The following GSE1 variants were observed in gnomAD, a reference collection of about 807,000 sequenced individuals.
The protein encoded by GSE1 is Gse1 coiled-coil protein.
Under a neutral mutation model 112.6 loss-of-function variants are expected in GSE1, and 32 were observed. The ratio of observed to expected loss-of-function variants is 0.28; its 90% CI spans 0.21 to 0.38. The LOEUF (loss-of-function observed/expected upper bound fraction) is 0.38, where lower values mean the gene tolerates loss of function less well. GSE1 is among the 10% of genes least tolerant of loss of function. GSE1 has a pLI of 1.00. For missense variants in GSE1, 2,348 were observed against 1,699.2 expected (o/e 1.38, Z -6.71); for synonymous variants, 1,115 against 735.6 (o/e 1.52, Z -8.35).
intron 1 of GSE1, among the ~76,000 whole-genome samples, chr16:85,297,376 A>G (rs1361016475): frequency 1.3e-5 from 2 of 150,174 alleles, no homozygotes; most frequent in East Asian, 3.9e-4. Context: ...CCAGAGAAGC[A>G]AAGCATCTGT....
At chr16:85,663,149 T>C in intron 10 of GSE1, 56 bp downstream of exon 10, 4 of 1,325,736 alleles carry the variant, frequency 3.0e-6, no homozygotes, top group Non-Finnish European at 4.3e-6. Flanking sequence ...GTTCCTAGCG[T>C]CCACACCCTG....
intron 2 of GSE1, among the ~76,000 whole-genome samples, chr16:85,641,962 C>T (rs1034789856): frequency 1.3e-5 from 2 of 152,224 alleles, no homozygotes; most frequent in Non-Finnish European, 2.9e-5. Context: ...GGTCGGTAGG[C>T]GAAAGTAGAA....
chr16:85,206,224 T>C (rs530284069), intron 1 of GSE1, among the ~76,000 whole-genome samples: 1 of 149,120 alleles, frequency 6.7e-6, no homozygotes, highest in Admixed American at 6.6e-5. Flanking sequence ...GCGCCGGGTG[T>C]GGTGGGAAGA....
intron 2 of GSE1, among the ~76,000 whole-genome samples, chr16:85,394,062 C>A (rs902207725): frequency 6.6e-6 from 1 of 152,174 alleles, no homozygotes; most frequent in Non-Finnish European, 1.5e-5. Flanking sequence ...GGCGTCGATA[C>A]CGTTCGGGCT....
chr16:85,502,756 G>T (rs1031935916), intron 2 of GSE1, among the ~76,000 whole-genome samples: 1 of 152,238 alleles, frequency 6.6e-6, no homozygotes, highest in Non-Finnish European at 1.5e-5. Context: ...TGGTGTCCGT[G>T]GAGCCGGGAA....
rs762411456 is a variant in GSE1 at position 85,399,691 on chromosome 16, C to A, written c.2464+42048C>A. The stretch of plus-strand genomic sequence containing the variant: ...ACTGTGTGCCAATCACTGCCGTAGG[C>A]GTGGGGGATGCCGCAGACAGTGAAA... On this transcript the variant is annotated intron_variant, in intron 2 of 2. Transcript: ENST00000637419. Among the ~76,000 whole-genome samples, 13 of 152,308 alleles carry A rather than the reference C, an allele frequency of 8.5e-5. No homozygotes were observed. The Middle Eastern group carries it at 0.014, about 159-fold the overall frequency.
intron 2 of GSE1, among the ~76,000 whole-genome samples, chr16:85,447,166 C>T (rs538548405): frequency 6.6e-6 from 1 of 152,142 alleles, no homozygotes; most frequent in African/African-American, 2.4e-5. Context: ...CATGCCGGGC[C>T]CACCTTGCCT....
intron 1 of GSE1, among the ~76,000 whole-genome samples, chr16:85,354,775 G>A (rs1315414721): frequency 2.0e-5 from 3 of 152,236 alleles, no homozygotes; most frequent in South Asian, 4.1e-4. Flanking sequence ...TGGAGCTGCC[G>A]TCTGTGCTGC....
At chr16:85,391,087 G>GC (rs944666086) in intron 2 of GSE1, among the ~76,000 whole-genome samples, 2 of 150,900 alleles carry the variant, frequency 1.3e-5, no homozygotes, top group African/African-American at 4.9e-5. Context: ...CCCAGGCACC[G>GC]CCCCCCCACC....
At chr16:85,642,762 G>A (rs540882167) in intron 2 of GSE1, among the ~76,000 whole-genome samples, 4 of 152,334 alleles carry the variant, frequency 2.6e-5, no homozygotes, top group East Asian at 3.9e-4. Flanking sequence ...GGGGTGGGTC[G>A]GGGCCGTGCA....
In GSE1 at chr16:85,597,373, CAAA is replaced by C. The variant is rs1165062872; in HGVS notation, c.37+41033_37+41035del. 3.5e-4 allele frequency among the ~76,000 whole-genome samples: 11 copies of C among 31,844 alleles called. No individual in the cohort carries two copies. The South Asian group carries it at 4.0e-3, about 12-fold the overall frequency. The allele number at this position is 31,844 out of a possible 152,430, so 20.9% of individuals were successfully genotyped here. On this transcript the variant is annotated intron_variant, in intron 1 of 2. Coordinates refer to the GSE1 transcript ENST00000635906. Reference sequence around the variant, plus strand: ...TGGGCAACAGAGTGAGACTCTGTCTCAAAAAAAAAAAAAAAAAAAAAAAAAGAA... The same window carrying C: ...TGGGCAACAGAGTGAGACTCTGTCTCAAAAAAAAAAAAAAAAAAAAAAGAA...
chr16:85,249,429 C>T (rs1906211919), intron 1 of GSE1, among the ~76,000 whole-genome samples: 1 of 152,236 alleles, frequency 6.6e-6, no homozygotes, highest in Non-Finnish European at 1.5e-5. Context: ...GGCAGCAACC[C>T]CGAGGTGAGG....
chr16:85,274,424 G>C (rs1909154295), intron 1 of GSE1, among the ~76,000 whole-genome samples: 2 of 152,138 alleles, frequency 1.3e-5, no homozygotes, highest in South Asian at 4.1e-4. Flanking sequence ...AAATAAAAGA[G>C]GGAAAGAGTG....
intron 2 of GSE1, among the ~76,000 whole-genome samples, chr16:85,544,114 C>A (rs965334577): frequency 3.3e-5 from 5 of 152,156 alleles, no homozygotes; most frequent in Admixed American, 6.5e-5. Flanking sequence ...GGATTACAGG[C>A]GTGAGCCACT....
At chr16:85,564,032 C>T (rs1358860268) in intron 1 of GSE1, among the ~76,000 whole-genome samples, 3 of 152,188 alleles carry the variant, frequency 2.0e-5, no homozygotes, top group East Asian at 1.9e-4. Flanking sequence ...CAGTGGGTGC[C>T]GGGCACTGCG....
At chr16:85,182,349 T>C (rs1567593867) in intron 1 of GSE1, among the ~76,000 whole-genome samples, 1 of 152,162 alleles carries the variant, frequency 6.6e-6, no homozygotes, top group Non-Finnish European at 1.5e-5. Context: ...CTCCAGAGGA[T>C]GGGAGGAGGC....
chr16:85,596,335 T>C (rs1041515478), intron 1 of GSE1, among the ~76,000 whole-genome samples: 4 of 152,170 alleles, frequency 2.6e-5, no homozygotes, highest in Non-Finnish European at 2.9e-5. Flanking sequence ...AGGAGCAGTG[T>C]TCTCAGACTT....
intron 2 of GSE1, chr16:85,490,014 C>A (rs2050961123): frequency 6.6e-6 from 1 of 152,240 alleles, no homozygotes; most frequent in Admixed American, 6.5e-5. Context: ...CCCTGCCCAC[C>A]CCTGGATTTC....
In GSE1 at chr16:85,663,422, C is replaced by T. The variant is rs2052590399; in HGVS notation, c.2452C>T (p.Arg818Trp). 3.7e-6 allele frequency: 6 copies of T among 1,613,882 alleles called. No individual in the cohort carries two copies. The highest frequency in any genetic ancestry group is 5.1e-6 in the Non-Finnish European group (6 of 1,180,024). ...ATTGGTGGCCCAGAAGCGGAGGAAG[C>T]GGCGGAGGATGCTGCGAGAGAGAAG... is the stretch of plus-strand genomic sequence containing the variant. Reference protein sequence around the residue: ...EELVAQKRRKRRRMLRERSPS... With the variant: ...EELVAQKRRKWRRMLRERSPS... The change falls in exon 11 of 16, where the codon CGG (arginine) becomes TGG (tryptophan). Residue 818 changes from arginine (R) to tryptophan (W), a missense_variant. Coordinates refer to ENST00000253458, the MANE Select transcript of GSE1 (RefSeq NM_014615.5).
Sources: gnomAD v4.1 joint callset for allele counts (sites outside exome capture counted in the v4.1 genomes callset) on GRCh38, gnomAD v4.1.1 for gene constraint, MANE v1.5 for transcripts, NCBI Gene and HGNC (gene_info 2026-07-23, HGNC 2026-07-21) for gene names.